Variants in EGFLAM observed in about 807,000 individuals in gnomAD.
EGFLAM encodes the protein pikachurin.
EGFLAM carries 79 observed loss-of-function variants against 113.1 expected under a neutral mutation model. The ratio of observed to expected loss-of-function variants is 0.70; its 90% CI spans 0.58 to 0.84. The LOEUF is 0.84. Among genes scored for constraint, EGFLAM ranks in the 40% least tolerant of loss-of-function variants. The pLI, the probability that EGFLAM is intolerant of heterozygous loss-of-function variation, is 0.00. For missense variants in EGFLAM, 1,265 were observed against 1,291.6 expected, an observed-to-expected ratio of 0.98 and a Z score of 0.32; for synonymous variants, 504 against 487.6, an observed-to-expected ratio of 1.03 and a Z score of -0.44.
chr5:38,294,209 C>G (rs1208498544), intron 1 of EGFLAM, among the ~76,000 whole-genome samples: 2 of 152,090 alleles, frequency 1.3e-5, no homozygotes, highest in Non-Finnish European at 2.9e-5. Flanking sequence ...TATTCTGGGA[C>G]CCAGGCCAAG....
chr5:38,274,729 G>T (rs912749643), intron 1 of EGFLAM, among the ~76,000 whole-genome samples: 4 of 152,106 alleles, frequency 2.6e-5, no homozygotes, highest in Non-Finnish European at 5.9e-5. Flanking sequence ...TGAAAGAAAA[G>T]GGTGCCAATG....
intron 14 of EGFLAM, among the ~76,000 whole-genome samples, chr5:38,430,805 T>C (rs918746054): frequency 2.0e-5 from 3 of 152,184 alleles, no homozygotes; most frequent in Admixed American, 1.3e-4. Flanking sequence ...GAGCCCATGA[T>C]GTCCGTTCCA....
At chr5:38,337,067 AT>A (rs1395385628) in intron 1 of EGFLAM, among the ~76,000 whole-genome samples, 1 of 152,236 alleles carries the variant, frequency 6.6e-6, no homozygotes, top group African/African-American at 2.4e-5. Context: ...ACATAACTAT[AT>A]TTTTTAAATG....
chr5:38,457,033 T>C (rs190037300), intron 19 of EGFLAM, among the ~76,000 whole-genome samples: 1 of 152,228 alleles, frequency 6.6e-6, no homozygotes, highest in Admixed American at 6.5e-5. Context: ...AACATGTTCA[T>C]GTTTTCTGAA....
chr5:38,387,520 A>T (rs557896120), intron 6 of EGFLAM, among the ~76,000 whole-genome samples: 4 of 151,820 alleles, frequency 2.6e-5, no homozygotes, highest in African/African-American at 9.7e-5. Flanking sequence ...CACTGCAGAA[A>T]CTCTTCCATT....
intron 6 of EGFLAM, among the ~76,000 whole-genome samples, chr5:38,385,274 A>ACC (rs1423167971): frequency 3.9e-4 from 13 of 33,578 alleles, no homozygotes; most frequent in East Asian, 2.0e-3. Context: ...ACTGTTTCCC[A>ACC]CCCACCCCCC....
chr5:38,434,892 C>T (rs1263111300), intron 15 of EGFLAM, among the ~76,000 whole-genome samples: 2 of 152,172 alleles, frequency 1.3e-5, no homozygotes, highest in African/African-American at 4.8e-5. Flanking sequence ...GATACAATGA[C>T]TCCCATTTTG....
At chr5:38,381,002 T>C (rs1740497819) in intron 6 of EGFLAM, among the ~76,000 whole-genome samples, 1 of 152,238 alleles carries the variant, frequency 6.6e-6, no homozygotes, top group Non-Finnish European at 1.5e-5. Flanking sequence ...CGGCTGATAT[T>C]TCATGGCCTC....
chr5:38,362,316 A>G (rs3103369), intron 5 of EGFLAM, among the ~76,000 whole-genome samples: 129,058 of 152,176 alleles, frequency 0.85, 54,835 homozygotes, highest in East Asian at 0.89. Flanking sequence ...GCTCGTCATC[A>G]TAACTAAGTG....
At chr5:38,427,616 A>G (rs528150584) in intron 14 of EGFLAM, among the ~76,000 whole-genome samples, 1 of 152,346 alleles carries the variant, frequency 6.6e-6, no homozygotes, top group Admixed American at 6.5e-5. Flanking sequence ...TCTCATACAG[A>G]GCATCACATG....
intron 6 of EGFLAM, among the ~76,000 whole-genome samples, chr5:38,374,595 C>A (rs1463769689): frequency 6.6e-6 from 1 of 152,136 alleles, no homozygotes; most frequent in Non-Finnish European, 1.5e-5. Flanking sequence ...GTGATGTTAT[C>A]CCCAGGAGCA....
chr5:38,363,282 T>A (rs570051663), intron 5 of EGFLAM, among the ~76,000 whole-genome samples: 1 of 152,186 alleles, frequency 6.6e-6, no homozygotes, highest in Non-Finnish European at 1.5e-5. Flanking sequence ...GGGTAATGTA[T>A]GGGATCACAT....
chr5:38,386,493 C>T (rs1294298803), intron 6 of EGFLAM, among the ~76,000 whole-genome samples: 2 of 151,896 alleles, frequency 1.3e-5, no homozygotes, highest in Non-Finnish European at 2.9e-5. Context: ...GCGCCCAGCC[C>T]ACAAATACTT....
intron 6 of EGFLAM, among the ~76,000 whole-genome samples, chr5:38,372,717 G>T (rs555187079): frequency 1.3e-5 from 2 of 152,250 alleles, no homozygotes; most frequent in African/African-American, 4.8e-5. Context: ...TTCTTAAATA[G>T]ACATAATTTT....
intron 1 of EGFLAM, among the ~76,000 whole-genome samples, chr5:38,318,632 C>T (rs6894308): frequency 0.17 from 25,309 of 151,776 alleles, 2,642 homozygotes; most frequent in African/African-American, 0.29. Context: ...CTCAGCCTCC[C>T]GAGTAGCTGG....
At position 38,366,168 on chromosome 5, in the gene EGFLAM, A is replaced by G. The variant is rs369973627; in HGVS notation, c.546-4128A>G. On this transcript the variant is annotated intron_variant, in intron 5 of 21. Transcript: ENST00000322350. ...GCAGTACCCACTCTTTGGATCCTGC[A>G]TCAAGCGGAGATGGGTCTAGAGCAA... Among the ~76,000 whole-genome samples, 13 of 152,172 alleles carry G rather than the reference A, an allele frequency of 8.5e-5. 1 individual carries two copies. The East Asian group carries it at 2.1e-3, about 25-fold the overall frequency.
At chr5:38,358,558 G>T (rs547068644) in intron 5 of EGFLAM, among the ~76,000 whole-genome samples, 1 of 151,554 alleles carries the variant, frequency 6.6e-6, no homozygotes, top group African/African-American at 2.4e-5. Context: ...TGCATAATAT[G>T]ATGATGTCTT....
chr5:38,343,765 C>G (rs1739405031), intron 3 of EGFLAM, among the ~76,000 whole-genome samples: 2 of 152,216 alleles, frequency 1.3e-5, no homozygotes, highest in African/African-American at 4.8e-5. Flanking sequence ...CCAACTGCCA[C>G]TAAGGCAACT....
intron 5 of EGFLAM, among the ~76,000 whole-genome samples, chr5:38,365,100 A>C (rs1008218848): frequency 6.6e-5 from 10 of 152,166 alleles, no homozygotes; most frequent in African/African-American, 2.4e-4. Context: ...CCACTCTCAA[A>C]AGTATTTTCC....
Sources: allele counts gnomAD v4.1 joint callset (sites outside exome capture counted in the v4.1 genomes callset), GRCh38; gene constraint gnomAD v4.1.1; transcripts MANE v1.5; gene names NCBI Gene and HGNC (gene_info 2026-07-23, HGNC 2026-07-21).